The following HOOK1 variants were observed in gnomAD, a reference collection of about 807,000 sequenced individuals.
The protein encoded by HOOK1 is hook microtubule tethering protein 1, also known as protein Hook homolog 1.
A neutral mutation model predicts 112.8 loss-of-function variants in HOOK1; 60 were observed. The ratio of observed to expected loss-of-function variants is 0.53; its 90% confidence interval spans 0.43 to 0.66. HOOK1 has a LOEUF of 0.66. HOOK1 is among the 30% of genes least tolerant of loss of function. The pLI, the probability that HOOK1 is intolerant of heterozygous loss-of-function variation, is 0.00. For missense variants in HOOK1, 770 were observed against 856.0 expected, an observed-to-expected ratio of 0.90 and a Z score of 1.25; for synonymous variants, 294 against 283.8, an observed-to-expected ratio of 1.04 and a Z score of -0.36.
chr1:59,833,281 T>C, intron 4 of HOOK1, 124 bp from the exon 5 acceptor site: 1 of 752,872 alleles, frequency 1.3e-6, no homozygotes, highest in Non-Finnish European at 1.9e-6. Context: ...ATTATTTATT[T>C]GTCATTTGTT....
intron 15 of HOOK1, among the ~76,000 whole-genome samples, chr1:59,861,973 G>A (rs1211659406): frequency 1.3e-5 from 2 of 152,074 alleles, no homozygotes; most frequent in Non-Finnish European, 2.9e-5. Context: ...GCACTTTTCT[G>A]AAGAGACCAT....
chr1:59,837,248 A>T (rs1372294655), intron 7 of HOOK1, among the ~76,000 whole-genome samples: 1 of 152,180 alleles, frequency 6.6e-6, no homozygotes, highest in African/African-American at 2.4e-5. Context: ...TTATTTAATA[A>T]TGTAATTTTT....
At chr1:59,838,058 T>G (rs914037080) in intron 7 of HOOK1, among the ~76,000 whole-genome samples, 2 of 152,160 alleles carry the variant, frequency 1.3e-5, no homozygotes, top group Non-Finnish European at 2.9e-5. Flanking sequence ...TATTCCATGG[T>G]GTATATGTGC....
At position 59,859,065 on chromosome 1, in the gene HOOK1, T is replaced by C; in HGVS notation, c.1391+20T>C. On this transcript the variant is annotated intron_variant, in intron 14 of 21. Transcript: ENST00000371208. ...ATATAGGTAAATTTGTTTCATAATT[T>C]GATAGAATTATATTTAATATTATAA... 3 of 1,276,394 alleles carry C rather than the reference T, an allele frequency of 2.4e-6. No homozygotes were observed. Among genetic ancestry groups the C allele is most frequent in the Non-Finnish European group, 3.2e-6 (3 of 930,474 alleles). The allele number at this position is 1,276,394 out of a possible 1,614,324, so 79.1% of individuals were successfully genotyped here.
At position 59,865,211 on chromosome 1, in the gene HOOK1, C is replaced by A; in HGVS notation, c.1710C>A (p.Leu570=). 1 of 1,608,102 alleles carries A rather than the reference C, an allele frequency of 6.2e-7. No homozygotes were observed. The highest frequency in any genetic ancestry group is 8.5e-7 in the Non-Finnish European group (1 of 1,174,670). The change falls in exon 18 of 22, where the codon CTC becomes CTA. Residue 570 remains leucine (L), a synonymous_variant. Transcript: ENST00000371208. ...VHEELQKKQE[L]IEDLQPDINQ... ...AAGAATTACAGAAGAAACAAGAACT[C>A]ATTGAAGATCTTCAGCCAGATATAA... is the stretch of plus-strand genomic sequence containing the variant.
At chr1:59,817,564 C>G (rs2098382574) in intron 1 of HOOK1, among the ~76,000 whole-genome samples, 1 of 152,134 alleles carries the variant, frequency 6.6e-6, no homozygotes, top group Admixed American at 6.5e-5. Context: ...CAACTTTCTC[C>G]AAACTCACCT....
In HOOK1 at chr1:59,859,031, GC is replaced by G; in HGVS notation, c.1379del (p.Pro460GlnfsTer37). ...ATGAGAATCTTGCTGCTGAGATTAT[GC>G]CAGTGGAATATAGGTAAATTTGTTT... ...SYENLAAEIMPVEYREVFIRL... is the reference protein window; with the variant it reads ...SYENLAAEIMXVEYREVFIRL... On this transcript the variant is annotated frameshift_variant, in exon 14 of 22. Coordinates refer to ENST00000371208, the MANE Select transcript of HOOK1 (RefSeq NM_015888.6). LOFTEE classifies it high-confidence loss of function. 2 of 1,552,182 alleles carry G rather than the reference GC, an allele frequency of 1.3e-6. No homozygotes were observed. The highest frequency in any genetic ancestry group is 1.4e-5 in the African/African-American group (1 of 72,552).
chr1:59,846,191 TTTAAG>T (rs892008099), intron 9 of HOOK1, among the ~76,000 whole-genome samples: 9 of 151,858 alleles, frequency 5.9e-5, no homozygotes, highest in Non-Finnish European at 1.2e-4. Flanking sequence ...TCTATGGTTA[TTTAAG>T]TTGTTTAATT....
chr1:59,859,726 A>G (rs1423549553), intron 14 of HOOK1, among the ~76,000 whole-genome samples: 1 of 151,984 alleles, frequency 6.6e-6, no homozygotes, highest in Non-Finnish European at 1.5e-5. Flanking sequence ...CAAAAGATCT[A>G]GAAACTTTCT....
intron 19 of HOOK1, among the ~76,000 whole-genome samples, chr1:59,867,239 GATA>G (rs1643981522): frequency 6.6e-6 from 1 of 152,158 alleles, no homozygotes; most frequent in Non-Finnish European, 1.5e-5. Flanking sequence ...ATCACTTAGA[GATA>G]ATAAACTATG....
At chr1:59,815,205 GA>G in intron 1 of HOOK1, 25 bp downstream of exon 1, 1 of 1,539,862 alleles carries the variant, frequency 6.5e-7, no homozygotes, top group Non-Finnish European at 8.7e-7. Flanking sequence ...GCGAGAGGGC[GA>G]GGGGGCCAGG....
rs1049451998 is a variant in HOOK1, at chr1:59,873,764, T to C, written c.*799T>C. 1.8e-4 allele frequency: 25 copies of C among 135,390 alleles called. No individual in the cohort carries two copies. The highest frequency in any genetic ancestry group is 3.7e-4 in the Non-Finnish European group (23 of 62,356). 8.4% of individuals were successfully genotyped at this position (135,390 alleles called of 1,614,324 possible). ...ATATATATATATATATATATATATA[T>C]ACTTTTTGTGAAATGTCTATATACT... On this transcript the variant is annotated 3_prime_UTR_variant, in exon 22 of 22. Transcript: ENST00000371208.
chr1:59,845,006 A>G (rs112006066), intron 9 of HOOK1, among the ~76,000 whole-genome samples: 2,634 of 152,038 alleles, frequency 0.017, 40 homozygotes, highest in Middle Eastern at 0.037. Context: ...TAAAAAAGAA[A>G]TCCTTAGTCC....
intron 21 of HOOK1, among the ~76,000 whole-genome samples, chr1:59,871,711 AT>A (rs879644803): frequency 1.4e-4 from 21 of 152,314 alleles, no homozygotes; most frequent in Admixed American, 7.8e-4. Flanking sequence ...CTTTTGCATT[AT>A]TCTAGTCAGC....
intron 16 of HOOK1, 92 bp downstream of exon 16, chr1:59,862,969 A>T: frequency 1.4e-6 from 1 of 726,572 alleles, no homozygotes; most frequent in East Asian, 2.6e-5. Context: ...TGGAAAGTAC[A>T]GCCCTTATCA....
intron 12 of HOOK1, among the ~76,000 whole-genome samples, chr1:59,853,349 C>T (rs984820196): frequency 6.6e-6 from 1 of 151,756 alleles, no homozygotes; most frequent in African/African-American, 2.4e-5. Flanking sequence ...TTTCTAATGT[C>T]TGTCTTTTTT....
At chr1:59,852,994 T>C (rs1239165237) in intron 12 of HOOK1, among the ~76,000 whole-genome samples, 1 of 152,028 alleles carries the variant, frequency 6.6e-6, no homozygotes. Flanking sequence ...GGACATACTT[T>C]GTGTGCATTC....
chr1:59,843,407 T>C, intron 8 of HOOK1, 25 bp from the exon 9 acceptor site: 3 of 1,542,798 alleles, frequency 1.9e-6, no homozygotes, highest in Non-Finnish European at 2.6e-6. Context: ...CTACTGGTGC[T>C]TATGTATGTG....
intron 7 of HOOK1, among the ~76,000 whole-genome samples, 182 bp downstream of exon 7, chr1:59,837,117 T>A (rs1324745550): frequency 6.6e-6 from 1 of 152,218 alleles, no homozygotes; most frequent in African/African-American, 2.4e-5. Flanking sequence ...ATTTTTGTGA[T>A]CATGTTGAAA....
Sources: allele counts gnomAD v4.1 joint callset (sites outside exome capture counted in the v4.1 genomes callset), GRCh38; gene constraint gnomAD v4.1.1; transcripts MANE v1.5; gene names NCBI Gene and HGNC (gene_info 2026-07-23, HGNC 2026-07-21).